The following STT3A variants were observed in gnomAD, a reference collection of about 807,000 sequenced individuals.
STT3A encodes STT3 oligosaccharyltransferase complex catalytic subunit A, also known as dolichyl-diphosphooligosaccharide--protein glycosyltransferase subunit STT3A.
A neutral mutation model predicts 89.2 loss-of-function variants in STT3A; 34 were observed. The ratio of observed to expected loss-of-function variants is 0.38; its 90% CI spans 0.29 to 0.51. STT3A has a LOEUF of 0.51. Ranked by LOEUF, STT3A falls within the 20% of genes least tolerant of loss-of-function variation. STT3A has a pLI of 0.89. For synonymous variants in STT3A, 282 were observed against 310.3 expected, an observed-to-expected ratio of 0.91 and a Z score of 0.96; for missense variants, 555 against 889.5, an observed-to-expected ratio of 0.62 and a Z score of 4.78.
At chr11:125,615,534 T>TA (rs1940154802) in intron 15 of STT3A, among the ~76,000 whole-genome samples, 1 of 152,012 alleles carries the variant, frequency 6.6e-6, no homozygotes, top group Admixed American at 6.6e-5. Flanking sequence ...AAATAAAAAA[T>TA]ACAGTATAAC....
At chr11:125,605,507 T>C (rs1294439718) in intron 6 of STT3A, 122 bp from the exon 7 acceptor site, 5 of 609,404 alleles carry the variant, frequency 8.2e-6, no homozygotes, top group Middle Eastern at 2.7e-4. Flanking sequence ...AGGAAGTAAA[T>C]AATTTGCCTA....
chr11:125,616,169 C>T (rs1158145487), intron 15 of STT3A, among the ~76,000 whole-genome samples: 1 of 151,986 alleles, frequency 6.6e-6, no homozygotes, highest in Non-Finnish European at 1.5e-5. Flanking sequence ...TCCAGGACAC[C>T]CCCACCCCTA....
At chr11:125,607,661 C>T (rs961524776) in intron 8 of STT3A, among the ~76,000 whole-genome samples, 2 of 152,098 alleles carry the variant, frequency 1.3e-5, no homozygotes, top group Non-Finnish European at 2.9e-5. Flanking sequence ...TTGGTGACTA[C>T]GATGCCCACT....
At chr11:125,603,549 G>C (rs574314990) in intron 5 of STT3A, 3 of 153,292 alleles carry the variant, frequency 2.0e-5, no homozygotes, top group African/African-American at 7.2e-5. Flanking sequence ...AAAACTTTTT[G>C]ATCCTTCTCC....
chr11:125,609,351 T>C (rs934511208), intron 9 of STT3A, 83 bp from the exon 10 acceptor site: 60 of 1,464,760 alleles, frequency 4.1e-5, no homozygotes, highest in Non-Finnish European at 5.0e-5. Context: ...AGAATCTTAT[T>C]AAAATGGGAA....
intron 11 of STT3A, among the ~76,000 whole-genome samples, chr11:125,612,099 C>T (rs1349240246): frequency 2.0e-5 from 3 of 151,954 alleles, no homozygotes; most frequent in Non-Finnish European, 4.4e-5. Flanking sequence ...TGATCTTGAA[C>T]TCCCGACCTC....
chr11:125,602,044 G>C (rs1035645529), intron 3 of STT3A, among the ~76,000 whole-genome samples: 1 of 152,068 alleles, frequency 6.6e-6, no homozygotes, highest in African/African-American at 2.4e-5. Context: ...TGATCCACCT[G>C]CCTCGGACTC....
intron 8 of STT3A, among the ~76,000 whole-genome samples, chr11:125,607,202 C>T (rs551164536): frequency 1.4e-4 from 21 of 152,248 alleles, no homozygotes; most frequent in African/African-American, 5.1e-4. Flanking sequence ...GATGATTTTG[C>T]CCAACTGTAG....
In STT3A at chr11:125,592,935, A is replaced by G. The variant is rs866141679; in HGVS notation, c.-36+17A>G. The G allele has an allele frequency of 5.3e-4, 90 of 169,966 alleles. No individual in the cohort carries two copies. The highest frequency in any genetic ancestry group is 2.2e-4 in the African/African-American group (9 of 41,730). The allele number at this position is 169,966 out of a possible 1,614,324, so 10.5% of individuals were successfully genotyped here. On this transcript the variant is annotated intron_variant, in intron 1 of 17. Coordinates refer to ENST00000392708, the MANE Select transcript of STT3A (RefSeq NM_152713.5). The stretch of plus-strand genomic sequence containing the variant: ...GCCGGCCAGGTGAGAAGGCCGTAGA[A>G]CGTAACTTGAAAATCAGCGGCAGGT...
intron 7 of STT3A, 98 bp downstream of exon 7, chr11:125,605,833 C>G (rs1250246238): frequency 3.8e-6 from 4 of 1,045,686 alleles, no homozygotes; most frequent in Non-Finnish European, 5.6e-6. Flanking sequence ...CTGGTAGGTT[C>G]CCCTAAATTT....
At chr11:125,598,637 G>T (rs1939572672) in intron 3 of STT3A, among the ~76,000 whole-genome samples, 1 of 152,040 alleles carries the variant, frequency 6.6e-6, no homozygotes, top group African/African-American at 2.4e-5. Context: ...GATTGGGTCT[G>T]ACTGTCACCC....
chr11:125,611,170 A>G (rs1202056097), intron 10 of STT3A: 1 of 283,508 alleles, frequency 3.5e-6, no homozygotes, highest in Non-Finnish European at 6.7e-6. Flanking sequence ...ATTTTAATAT[A>G]TTCCATTTTA....
upstream of STT3A, chr11:125,592,728 C>T (rs1939344017): frequency 1.0e-5 from 3 of 296,698 alleles, no homozygotes; most frequent in Non-Finnish European, 2.0e-5. Flanking sequence ...ACTTGAATCG[C>T]GGCCCGGTTT....
chr11:125,619,903 G>T, intron 16 of STT3A, 108 bp from the exon 17 acceptor site: 2 of 944,998 alleles, frequency 2.1e-6, no homozygotes, highest in Non-Finnish European at 3.2e-6. Flanking sequence ...ACAAATTGCA[G>T]GCTGAGGAAT....
At chr11:125,608,653 A>C (rs1328634785) in intron 9 of STT3A, among the ~76,000 whole-genome samples, 1 of 152,242 alleles carries the variant, frequency 6.6e-6, no homozygotes, top group Non-Finnish European at 1.5e-5. Context: ...TATTAAATGC[A>C]GATGGGTACA....
At chr11:125,598,554 C>T (rs903855958) in intron 3 of STT3A, among the ~76,000 whole-genome samples, 1 of 152,058 alleles carries the variant, frequency 6.6e-6, no homozygotes, top group Non-Finnish European at 1.5e-5. Flanking sequence ...TGTTTGGGGC[C>T]TCCCAAATTC....
At chr11:125,620,427 A>T (rs1390465902) in intron 17 of STT3A, among the ~76,000 whole-genome samples, 1 of 152,194 alleles carries the variant, frequency 6.6e-6, no homozygotes, top group Non-Finnish European at 1.5e-5. Context: ...AAATAGAGAA[A>T]AAGTTCACAT....
In STT3A at chr11:125,620,781, C is replaced by T; in HGVS notation, c.2089C>T (p.Leu697=). 2.5e-6 allele frequency: 4 copies of T among 1,613,802 alleles called. No homozygotes were observed. The highest frequency in any genetic ancestry group is 3.4e-6 in the Non-Finnish European group (4 of 1,179,900). Residue 697 remains leucine, a synonymous_variant, in exon 18 of 18, where the codon CTG becomes TTG. Coordinates refer to ENST00000392708, the MANE Select transcript of STT3A (RefSeq NM_152713.5). ...CATCTTTATGTTGCAGGTAAAGGAC[C>T]TGGATAATCGAGGCTTGTCAAGGAC... ...WLVRIYKVKD[L]DNRGLSRT
rs760029928 is a variant in STT3A, at chr11:125,620,795, C to G, written c.2103C>G (p.Gly701=). 1 of 1,613,254 alleles carries G rather than the reference C, an allele frequency of 6.2e-7. No individual in the cohort carries two copies. ...IYKVKDLDNR[G]LSRT is the part of the protein sequence containing the mutation. The stretch of plus-strand genomic sequence containing the variant: ...AGGTAAAGGACCTGGATAATCGAGG[C>G]TTGTCAAGGACATAAATGTCACGTC... The change falls in exon 18 of 18, where the codon GGC becomes GGG. Residue 701 remains glycine, a synonymous_variant. Transcript: ENST00000392708.
Sources: gnomAD v4.1 joint callset for allele counts (sites outside exome capture counted in the v4.1 genomes callset) on GRCh38, gnomAD v4.1.1 for gene constraint, MANE v1.5 for transcripts, NCBI Gene and HGNC (gene_info 2026-07-23, HGNC 2026-07-21) for gene names.